Variants in TREM1 observed in about 807,000 individuals in gnomAD.
TREM1 encodes the protein triggering receptor expressed on myeloid cells 1.
Under a neutral mutation model 22.4 loss-of-function variants are expected in TREM1, and 16 were observed. That is an observed-to-expected ratio of 0.71 (90% CI 0.48 to 1.08). TREM1 has a LOEUF of 1.08. TREM1 is among the 50% of genes least tolerant of loss of function. The pLI is 0.00. For missense variants in TREM1, 283 were observed against 282.9 expected (o/e 1.00, Z 0.00); for synonymous variants, 110 against 111.6 (o/e 0.99, Z 0.09).
In TREM1 at chr6:41,281,089, G is replaced by A. The variant is rs1021326378; in HGVS notation, c.471C>T (p.Thr157=). ...STQNVYKIPP[T]TTKALCPLYT... is the part of the protein sequence containing the mutation. Reference sequence around the variant, plus strand: ...AGAGTGGGCACAAGGCCTTAGTGGTGGTAGGAGGAATCTTATACACATTCT... The same window carrying A: ...AGAGTGGGCACAAGGCCTTAGTGGTAGTAGGAGGAATCTTATACACATTCT... The change falls in exon 3 of 4, where the codon ACC becomes ACT. Residue 157 remains threonine, a synonymous_variant. Coordinates refer to ENST00000244709, the MANE Select transcript of TREM1 (RefSeq NM_018643.5). 34 of 1,614,104 alleles carry A rather than the reference G, an allele frequency of 2.1e-5. No homozygotes were observed. In the African/African-American group the frequency reaches 4.0e-4, roughly 19 times the overall value.
intron 1 of TREM1, among the ~76,000 whole-genome samples, 198 bp downstream of exon 1, chr6:41,286,409 T>C (rs1379980235): frequency 1.3e-5 from 2 of 152,332 alleles, no homozygotes; most frequent in South Asian, 2.1e-4. Context: ...ACATCTTTTT[T>C]CCCTGACTCT....
At chr6:41,270,408 A>T (rs1767443631), downstream of TREM1, among the ~76,000 whole-genome samples, 1 of 144,744 alleles carries the variant, frequency 6.9e-6, no homozygotes, top group East Asian at 2.0e-4. Context: ...TTCTGCAATC[A>T]TATATGTGTC....
In TREM1 at chr6:41,282,539, C is replaced by CTAGTATGA; in HGVS notation, c.254_261dup (p.Glu88SerfsTer3). 6.2e-7 allele frequency: 1 copy of CTAGTATGA among 1,614,162 alleles called. No individual in the cohort carries two copies. The highest frequency in any genetic ancestry group is 8.5e-7 in the Non-Finnish European group (1 of 1,180,030). On this transcript the variant is annotated frameshift_variant, in exon 2 of 4. Transcript: ENST00000244709. LOFTEE classifies it high-confidence loss of function. ...AGTAAACCATGATCATGGTAGTCTT[C>CTAGTATGA]TAGTATGATCCTCCCCACTTGGACT...
intron 1 of TREM1, among the ~76,000 whole-genome samples, chr6:41,284,379 C>T (rs951454052): frequency 6.6e-6 from 1 of 152,206 alleles, no homozygotes; most frequent in Non-Finnish European, 1.5e-5. Context: ...GTTTCCATCA[C>T]ATTCTTGGAG....
chr6:41,281,302 A>C, intron 2 of TREM1, 149 bp from the exon 3 acceptor site: 1 of 908,932 alleles, frequency 1.1e-6, no homozygotes, highest in Non-Finnish European at 1.6e-6. Flanking sequence ...GAGGAGGGAA[A>C]TGAGCATGGC....
chr6:41,276,319 T>A, intron 3 of TREM1, 89 bp from the exon 4 acceptor site: 1 of 897,478 alleles, frequency 1.1e-6, no homozygotes, highest in East Asian at 2.5e-5. Context: ...CATGTCCCAC[T>A]CTCCTCTGCT....
intron 3 of TREM1, chr6:41,280,150 T>C (rs1767845230): frequency 1.1e-6 from 1 of 939,462 alleles, no homozygotes; most frequent in Non-Finnish European, 1.3e-6. Context: ...GAATAAAGAC[T>C]AGAAGAGAAT....
chr6:41,271,049 T>A (rs550051805), downstream of TREM1, among the ~76,000 whole-genome samples: 1 of 152,190 alleles, frequency 6.6e-6, no homozygotes, highest in African/African-American at 2.4e-5. Flanking sequence ...CCAAGACAGA[T>A]GCTCTTCCCA....
chr6:41,270,631 C>T (rs541131313), downstream of TREM1, among the ~76,000 whole-genome samples: 1 of 152,228 alleles, frequency 6.6e-6, no homozygotes, highest in South Asian at 2.1e-4. Flanking sequence ...AAAAGAACTT[C>T]ACCAGATTTA....
chr6:41,272,826 G>C (rs575116865), downstream of TREM1, among the ~76,000 whole-genome samples: 1 of 152,280 alleles, frequency 6.6e-6, no homozygotes, highest in Non-Finnish European at 1.5e-5. Context: ...TGTGTGTCAG[G>C]TGCTTTACTC....
intron 3 of TREM1, chr6:41,268,195 TC>T (rs1296429182): frequency 2.5e-6 from 1 of 397,358 alleles, no homozygotes; most frequent in Non-Finnish European, 4.4e-6. Flanking sequence ...CATCAGAAAT[TC>T]CCTTAGACAA....
At chr6:41,281,596 C>A (rs1287785441) in intron 2 of TREM1, 1 of 180,952 alleles carries the variant, frequency 5.5e-6, no homozygotes, top group Non-Finnish European at 1.2e-5. Context: ...TAAAAGTTAT[C>A]TTTTATTAAT....
downstream of TREM1, among the ~76,000 whole-genome samples, chr6:41,270,468 T>TATTATATATATATATATATATATATA (rs1767450248): frequency 1.7e-3 from 10 of 5,744 alleles, no homozygotes; most frequent in South Asian, 0.013. Context: ...TATATATATA[T>TATTATATATATATATATATATATATA]ATATATATAT....
rs1248460018 is a variant in TREM1, at chr6:41,274,970, C to T, written c.*1155G>A. On this transcript the variant is annotated 3_prime_UTR_variant, in exon 4 of 4. Coordinates refer to ENST00000244709, the MANE Select transcript of TREM1 (RefSeq NM_018643.5). The stretch of plus-strand genomic sequence containing the variant: ...CACCATCCTTTCCCCACCCATGAGG[C>T]CCATTTCCCTTTAAAGCTCAAAGTA... Among the ~76,000 whole-genome samples the T allele has an allele frequency of 6.6e-6, 1 of 152,072 alleles. No individual in the cohort carries two copies. Among genetic ancestry groups the T allele is most frequent in the Non-Finnish European group, 1.5e-5 (1 of 68,018 alleles).
rs1458135571 is a variant in TREM1 at position 41,273,723 on chromosome 6, A to G, written c.*2402T>C. Among the ~76,000 whole-genome samples, 1 of 152,220 alleles carries G rather than the reference A, an allele frequency of 6.6e-6. No homozygotes were observed. The highest frequency in any genetic ancestry group is 1.5e-5 in the Non-Finnish European group (1 of 68,024). On this transcript the variant is annotated 3_prime_UTR_variant, in exon 4 of 4. Coordinates refer to ENST00000244709, the MANE Select transcript of TREM1 (RefSeq NM_018643.5). The stretch of plus-strand genomic sequence containing the variant: ...GTGGGTCATTCCCACTGCTGGGCCT[A>G]CAGAGGAGAGGATGGAACAGGTGGC...
At chr6:41,270,851 G>A (rs758389278), downstream of TREM1, among the ~76,000 whole-genome samples, 2 of 152,078 alleles carry the variant, frequency 1.3e-5, no homozygotes, top group Non-Finnish European at 2.9e-5. Flanking sequence ...GACTACAGGC[G>A]TGTGCCACCA....
intron 1 of TREM1, among the ~76,000 whole-genome samples, chr6:41,283,637 G>A (rs541730944): frequency 9.2e-5 from 14 of 152,126 alleles, no homozygotes; most frequent in East Asian, 5.8e-4. Flanking sequence ...ACTTGAACCC[G>A]GGAGGTGGAG....
chr6:41,270,446 A>AATATATATATATATATATATATATAT (rs68021402), downstream of TREM1, among the ~76,000 whole-genome samples: 9 of 144,060 alleles, frequency 6.2e-5, no homozygotes, highest in African/African-American at 2.5e-4. Context: ...GATATTATAT[A>AATATATATATATATATATATATATAT]ATATATATAT....
chr6:41,277,051 G>A (rs986033524), intron 3 of TREM1, among the ~76,000 whole-genome samples: 4 of 145,558 alleles, frequency 2.7e-5, no homozygotes, highest in Non-Finnish European at 4.5e-5. Flanking sequence ...ATCTTCCCCC[G>A]GACTAAACAT....
Sources: allele counts gnomAD v4.1 joint callset (sites outside exome capture counted in the v4.1 genomes callset), GRCh38; gene constraint gnomAD v4.1.1; transcripts MANE v1.5; gene names NCBI Gene and HGNC (gene_info 2026-07-23, HGNC 2026-07-21).